Variants in RNF126 observed in about 807,000 individuals in gnomAD.
RNF126 encodes E3 ubiquitin-protein ligase RNF126.
A neutral mutation model predicts 41.9 loss-of-function variants in RNF126; 20 were observed. That is an observed-to-expected ratio of 0.48 (90% CI 0.34 to 0.69). RNF126 has a LOEUF of 0.69. RNF126 is among the 30% of genes least tolerant of loss of function. RNF126 has a pLI of 0.01. For synonymous variants in RNF126, 239 were observed against 202.9 expected (o/e 1.18, Z -1.51); for missense variants, 433 against 460.6 (o/e 0.94, Z 0.55).
chr19:657,669 G>C (rs564396852), intron 1 of RNF126, among the ~76,000 whole-genome samples: 1 of 152,178 alleles, frequency 6.6e-6, no homozygotes, highest in Non-Finnish European at 1.5e-5. Flanking sequence ...TGAAATCCGG[G>C]TGCCATCGAG....
chr19:652,205 C>T, intron 3 of RNF126, 28 bp downstream of exon 3: 3 of 1,504,468 alleles, frequency 2.0e-6, no homozygotes, highest in South Asian at 1.3e-5. Flanking sequence ...CTGACACGAT[C>T]GGGAAGCACG....
chr19:656,678 G>A (rs2030574053), intron 1 of RNF126, among the ~76,000 whole-genome samples: 1 of 152,070 alleles, frequency 6.6e-6, no homozygotes, highest in Non-Finnish European at 1.5e-5. Context: ...AAAGGGGAAG[G>A]GGAAGCAGCC....
At chr19:657,921 C>T (rs1165109677) in intron 1 of RNF126, among the ~76,000 whole-genome samples, 5 of 152,030 alleles carry the variant, frequency 3.3e-5, no homozygotes, top group Admixed American at 6.5e-5. Context: ...GCCAAGAGAC[C>T]GCTTGGTCTC....
intron 1 of RNF126, among the ~76,000 whole-genome samples, chr19:662,071 C>T (rs1332050081): frequency 6.6e-6 from 1 of 152,168 alleles, no homozygotes; most frequent in Non-Finnish European, 1.5e-5. Context: ...GTAATCCCAG[C>T]GTTTTGGGAG....
At position 648,352 on chromosome 19, in the gene RNF126, CGGGTGGGCGG is replaced by C; in HGVS notation, c.786+10_786+19del. ...GAGGGCCGCGGTCGGGGTGGGGGGGCGGGTGGGCGGGGCACTCACCTGCTCCAGCCAGGGC... is the reference window on the plus strand; with the variant it reads ...GAGGGCCGCGGTCGGGGTGGGGGGGCGGCACTCACCTGCTCCAGCCAGGGC... On this transcript the variant is annotated intron_variant, in intron 8 of 8. Transcript: ENST00000292363. 4 of 1,025,842 alleles carry C rather than the reference CGGGTGGGCGG, an allele frequency of 3.9e-6. No individual in the cohort carries two copies. The highest frequency in any genetic ancestry group is 4.9e-6 in the Non-Finnish European group (4 of 821,626). 63.5% of individuals were successfully genotyped at this position (1,025,842 alleles called of 1,614,324 possible). A position where few individuals can be genotyped will look rare whatever the true frequency, so the allele number is the denominator to read the frequency against.
intron 1 of RNF126, among the ~76,000 whole-genome samples, chr19:655,102 G>A (rs976247953): frequency 1.3e-5 from 2 of 152,176 alleles, no homozygotes; most frequent in Non-Finnish European, 2.9e-5. Flanking sequence ...TTGAGGTCAG[G>A]AGCTTGAGAC....
rs1324775235 is a variant in RNF126, at chr19:648,862, G to T, written c.670+20C>A. The T allele has an allele frequency of 2.1e-6, 3 of 1,397,346 alleles. No homozygotes were observed. Among genetic ancestry groups the T allele is most frequent in the Non-Finnish European group, 2.9e-6 (3 of 1,050,106 alleles). 86.6% of individuals were successfully genotyped at this position (1,397,346 alleles called of 1,614,324 possible). A position where few individuals can be genotyped will look rare whatever the true frequency, so the allele number is the denominator to read the frequency against. On this transcript the variant is annotated intron_variant, in intron 7 of 8. Transcript: ENST00000292363. ...CGGGTGCCTGTAATTCCCACTACTC[G>T]GGAGGCTGAGCTCTCATACCTACGT...
chr19:651,766 G>A lies in RNF126; in HGVS notation c.288C>T (p.Phe96=). 1 of 1,612,752 alleles carries A rather than the reference G, an allele frequency of 6.2e-7. No individual in the cohort carries two copies. The highest frequency in any genetic ancestry group is 1.1e-5 in the South Asian group (1 of 91,084). Residue 96 remains phenylalanine, a synonymous_variant, in exon 4 of 9, where the codon TTC becomes TTT. Coordinates refer to ENST00000292363, the MANE Select transcript of RNF126 (RefSeq NM_194460.3). ...CGTCGTCAGCCTGCGCCCCAGGAGG[G>A]AACGTGGGGATCTCGAAGCTGTCAT... ...IFDDSFEIPT[F]PPGAQADDGR... is the part of the protein sequence containing the mutation.
rs1037695573 is a variant in RNF126, at chr19:663,188, C to A, written c.-67G>T. The A allele has an allele frequency of 3.5e-5, 23 of 656,282 alleles. No homozygotes were observed. The highest frequency in any genetic ancestry group is 3.0e-4 in the African/African-American group (15 of 50,318). 40.7% of individuals were successfully genotyped at this position (656,282 alleles called of 1,614,324 possible). On this transcript the variant is annotated 5_prime_UTR_variant, in exon 1 of 9. Coordinates refer to ENST00000292363, the MANE Select transcript of RNF126 (RefSeq NM_194460.3). ...CACCCGCCGCCGGCCGTTTGCTGCT[C>A]CCTCGCCGGCCGACGCGCCCGCGCA...
intron 1 of RNF126, among the ~76,000 whole-genome samples, chr19:654,642 CAAAAAAAAAAAAAAAAAAAAA>C (rs56141012): frequency 8.5e-4 from 21 of 24,642 alleles, no homozygotes; most frequent in Admixed American, 1.5e-3. Flanking sequence ...GACTCCGTCT[CAAAAAAAAAAAAAAAAAAAAA>C]AAAAAAAAAA....
At chr19:650,760 T>C (rs904096892) in intron 4 of RNF126, among the ~76,000 whole-genome samples, 2 of 152,098 alleles carry the variant, frequency 1.3e-5, no homozygotes, top group Non-Finnish European at 2.9e-5. Context: ...GCCTGGCTAA[T>C]TTTTGTATTC....
intron 4 of RNF126, chr19:650,563 G>T: frequency 1.1e-5 from 3 of 272,464 alleles, no homozygotes; most frequent in South Asian, 1.2e-4. Context: ...GACCACAGAA[G>T]AGGTCCACCA....
At chr19:655,354 A>G (rs2030516620) in intron 1 of RNF126, among the ~76,000 whole-genome samples, 1 of 151,820 alleles carries the variant, frequency 6.6e-6, no homozygotes, top group Non-Finnish European at 1.5e-5. Context: ...AGAAACAGAC[A>G]ACGCAACTAA....
chr19:648,230 C>G lies in RNF126; in HGVS notation c.834G>C (p.Thr278=), dbSNP rs768139313. The G allele has an allele frequency of 6.3e-7, 1 of 1,596,028 alleles. No homozygotes were observed. The highest frequency in any genetic ancestry group is 8.5e-7 in the Non-Finnish European group (1 of 1,171,740). Reference sequence around the variant, plus strand: ...CAGTGAGGCCAGGGGGGTTCGTGGCCGTGTTCTGTCCCGTGAGGCTTTTTC... The same window carrying G: ...CAGTGAGGCCAGGGGGGTTCGTGGCGGTGTTCTGTCCCGTGAGGCTTTTTC... ...VCRKSLTGQN[T]ATNPPGLTGV... Residue 278 remains threonine, a synonymous_variant, in exon 9 of 9, where the codon ACG becomes ACC. Coordinates refer to ENST00000292363, the MANE Select transcript of RNF126 (RefSeq NM_194460.3).
At chr19:657,638 G>C (rs1206123602) in intron 1 of RNF126, among the ~76,000 whole-genome samples, 1 of 152,222 alleles carries the variant, frequency 6.6e-6, no homozygotes, top group Non-Finnish European at 1.5e-5. Context: ...ACAGAGGACA[G>C]CCTGGACACT....
chr19:651,370 G>T (rs1005776542), intron 4 of RNF126: 7 of 389,204 alleles, frequency 1.8e-5, no homozygotes, highest in Non-Finnish European at 3.2e-5. Context: ...CAGAGCACGT[G>T]GGCCTGGCAG....
At chr19:650,839 G>A (rs1212924810) in intron 4 of RNF126, among the ~76,000 whole-genome samples, 3 of 151,924 alleles carry the variant, frequency 2.0e-5, no homozygotes, top group African/African-American at 7.3e-5. Flanking sequence ...TGATCTGCCC[G>A]CCTCGGCCTC....
intron 1 of RNF126, among the ~76,000 whole-genome samples, chr19:658,776 CG>C (rs1216343909): frequency 6.6e-6 from 1 of 152,220 alleles, no homozygotes; most frequent in Non-Finnish European, 1.5e-5. Flanking sequence ...GCCCAGGCCC[CG>C]AACTCTGCCT....
intron 4 of RNF126, among the ~76,000 whole-genome samples, chr19:651,162 T>A (rs2030260359): frequency 6.7e-6 from 1 of 149,406 alleles, no homozygotes; most frequent in Admixed American, 6.6e-5. Context: ...CAGCGACGGC[T>A]CCCCCAGGCT....
Sources: gnomAD v4.1 joint callset for allele counts (sites outside exome capture counted in the v4.1 genomes callset) on GRCh38, gnomAD v4.1.1 for gene constraint, MANE v1.5 for transcripts, NCBI Gene and HGNC (gene_info 2026-07-23, HGNC 2026-07-21) for gene names.